DSCAM: variants seen among roughly 807,000 people sequenced by gnomAD.
DSCAM encodes the protein DS cell adhesion molecule.
A neutral mutation model predicts 217.7 loss-of-function variants in DSCAM; 47 were observed. The observed-to-expected ratio is 0.22, with a 90% CI of 0.17 to 0.28. The LOEUF (loss-of-function observed/expected upper bound fraction) is 0.28, where lower values mean the gene tolerates loss of function less well. DSCAM is among the 10% of genes least tolerant of loss of function. DSCAM has a pLI of 1.00. For missense variants in DSCAM, 2,080 were observed against 2,618.3 expected (o/e 0.79, Z 4.49); for synonymous variants, 1,056 against 1,015.3 (o/e 1.04, Z -0.76).
chr21:40,684,782 A>T (rs1191218885), intron 3 of DSCAM, among the ~76,000 whole-genome samples: 1 of 152,230 alleles, frequency 6.6e-6, no homozygotes, highest in Non-Finnish European at 1.5e-5. Context: ...ACTACACAAT[A>T]TTCTTTCCTA....
At position 40,087,263 on chromosome 21, in the gene DSCAM, C is replaced by T. The variant is rs2089545410; in HGVS notation, c.3875G>A (p.Ser1292Asn). The T allele has an allele frequency of 1.2e-6, 2 of 1,614,126 alleles. No homozygotes were observed. The highest frequency in any genetic ancestry group is 1.3e-5 in the African/African-American group (1 of 75,060). ...CATCCATGGAGTAGTCACTGTCCCA[C>T]TGAAGGTCAGGATTCGTGCAGGAGC... The part of the protein sequence containing the change: ...AKAPARILTF[S>N]GTVTTPWMKD... The change falls in exon 22 of 33, where the codon AGT becomes AAT. Residue 1292 changes from serine (S) to asparagine (N), a missense_variant. By Grantham distance (46) the Ser-to-Asn change is conservative. Around this residue, in one of 5 missense-constraint regions of DSCAM, gnomAD observed 1,144 missense variants for 1,421.1 expected, o/e 0.81. Transcript: ENST00000400454.
At chr21:40,451,453 T>C (rs1357391713) in intron 3 of DSCAM, among the ~76,000 whole-genome samples, 1 of 152,170 alleles carries the variant, frequency 6.6e-6, no homozygotes, top group Non-Finnish European at 1.5e-5. Flanking sequence ...CATGAGATAA[T>C]TGAGTGTTTC....
chr21:40,833,720 G>C (rs994340234), intron 1 of DSCAM, among the ~76,000 whole-genome samples: 1 of 152,190 alleles, frequency 6.6e-6, no homozygotes, highest in Non-Finnish European at 1.5e-5. Context: ...TTGCAACTGA[G>C]ATTCATGACA....
intron 3 of DSCAM, among the ~76,000 whole-genome samples, chr21:40,482,468 T>TTTTTG (rs2075991475): frequency 6.6e-5 from 10 of 152,230 alleles, no homozygotes; most frequent in Admixed American, 5.9e-4. Context: ...TTTTATTTTT[T>TTTTTG]AATATAGAGA....
At chr21:40,418,651 A>T (rs1265016331) in intron 3 of DSCAM, among the ~76,000 whole-genome samples, 2 of 152,226 alleles carry the variant, frequency 1.3e-5, no homozygotes, top group Non-Finnish European at 2.9e-5. Context: ...AATTATCACA[A>T]CATAAACCAA....
intron 1 of DSCAM, among the ~76,000 whole-genome samples, chr21:40,733,297 G>A (rs1286155454): frequency 6.6e-6 from 1 of 152,232 alleles, no homozygotes; most frequent in Non-Finnish European, 1.5e-5. Context: ...TGAGGAGGTT[G>A]CTGCCTGCAG....
chr21:40,768,450 C>T (rs78857821), intron 1 of DSCAM, among the ~76,000 whole-genome samples: 2 of 152,126 alleles, frequency 1.3e-5, no homozygotes, highest in African/African-American at 2.4e-5. Context: ...GTGCTCCCAA[C>T]AATTACAGCT....
chr21:40,679,982 C>G (rs2090382091), intron 3 of DSCAM, among the ~76,000 whole-genome samples: 1 of 151,960 alleles, frequency 6.6e-6, no homozygotes, highest in South Asian at 2.1e-4. Flanking sequence ...TTCTGGGATA[C>G]AAACACTTTA....
At chr21:40,341,582 T>C (rs2074491890) in intron 6 of DSCAM, among the ~76,000 whole-genome samples, 1 of 152,232 alleles carries the variant, frequency 6.6e-6, no homozygotes, top group Admixed American at 6.5e-5. Flanking sequence ...ATTCCTTAAG[T>C]GCTCCTTTCA....
intron 1 of DSCAM, among the ~76,000 whole-genome samples, chr21:40,817,363 A>T (rs1042814149): frequency 1.3e-5 from 2 of 152,198 alleles, no homozygotes; most frequent in African/African-American, 4.8e-5. Context: ...CTATGATAAA[A>T]GGTTATTTTC....
intron 3 of DSCAM, among the ~76,000 whole-genome samples, chr21:40,439,077 T>C (rs2075609111): frequency 6.6e-6 from 1 of 152,160 alleles, no homozygotes; most frequent in East Asian, 1.9e-4. Context: ...ACCCATTAGC[T>C]GTGCATATTT....
At chr21:40,161,351 G>A (rs1033757059) in intron 16 of DSCAM, among the ~76,000 whole-genome samples, 1 of 151,846 alleles carries the variant, frequency 6.6e-6, no homozygotes, top group African/African-American at 2.4e-5. Context: ...AACATGCATA[G>A]TTTACATATA....
At chr21:40,621,782 T>C (rs1433284920) in intron 3 of DSCAM, among the ~76,000 whole-genome samples, 1 of 151,378 alleles carries the variant, frequency 6.6e-6, no homozygotes, top group Non-Finnish European at 1.5e-5. Flanking sequence ...CAAATCCAAT[T>C]GAGCTGTTAA....
At chr21:40,731,780 G>A (rs1022067574) in intron 1 of DSCAM, among the ~76,000 whole-genome samples, 1 of 135,778 alleles carries the variant, frequency 7.4e-6, no homozygotes, top group Non-Finnish European at 1.5e-5. Context: ...CCAGGCTGGA[G>A]TGCAATGGTG....
chr21:40,036,301 C>A lies in DSCAM; in HGVS notation c.5686+6070G>T, dbSNP rs980492245. On this transcript the variant is annotated intron_variant, in intron 32 of 32. Transcript: ENST00000400454. ...AATAAAGAGAAAAAGAGAGAAGAAT[C>A]AAATAGATGCAATAAAAAATGATAA... Among the ~76,000 whole-genome samples the A allele has an allele frequency of 2.2e-4, 33 of 149,834 alleles. 1 individual carries two copies. Among genetic ancestry groups the A allele is most frequent in the African/African-American group, 7.6e-4 (30 of 39,510 alleles).
intron 1 of DSCAM, among the ~76,000 whole-genome samples, chr21:40,821,188 G>A (rs1316053047): frequency 7.8e-6 from 1 of 128,712 alleles, no homozygotes; most frequent in Non-Finnish European, 1.7e-5. Context: ...ACTGTTTTGA[G>A]TTTGTCAAAT....
At chr21:40,222,696 A>G (rs2091298884) in intron 11 of DSCAM, among the ~76,000 whole-genome samples, 1 of 151,002 alleles carries the variant, frequency 6.6e-6, no homozygotes, top group South Asian at 2.1e-4. Flanking sequence ...TAAGAAGTAT[A>G]TTTATGATAA....
intron 3 of DSCAM, among the ~76,000 whole-genome samples, chr21:40,570,069 T>G (rs1242052717): frequency 6.6e-6 from 1 of 152,088 alleles, no homozygotes; most frequent in Non-Finnish European, 1.5e-5. Context: ...AGTCCATTGA[T>G]GCAAAAAGAG....
chr21:40,364,259 CAA>C (rs1342624428), intron 4 of DSCAM, among the ~76,000 whole-genome samples: 1 of 152,062 alleles, frequency 6.6e-6, no homozygotes, highest in Non-Finnish European at 1.5e-5. Context: ...TTCACAATAG[CAA>C]AGACTTGGAA....
Sources: allele counts gnomAD v4.1 joint callset (sites outside exome capture counted in the v4.1 genomes callset), GRCh38; gene constraint gnomAD v4.1.1; regional missense constraint gnomAD v4.1.1; transcripts MANE v1.5; gene names NCBI Gene and HGNC (gene_info 2026-07-23, HGNC 2026-07-21).